The following PDSS2 variants were observed in gnomAD, a reference collection of about 807,000 sequenced individuals.
PDSS2 encodes decaprenyl diphosphate synthase subunit 2.
Under a neutral mutation model 44.5 loss-of-function variants are expected in PDSS2, and 31 were observed. That is an observed-to-expected ratio of 0.70 (90% CI 0.52 to 0.94). The LOEUF (loss-of-function observed/expected upper bound fraction) is 0.94. PDSS2 is among the 40% of genes least tolerant of loss of function. PDSS2 has a pLI of 0.00. For missense variants in PDSS2, 452 were observed against 482.2 expected, an observed-to-expected ratio of 0.94 and a Z score of 0.59; for synonymous variants, 157 against 180.3, an observed-to-expected ratio of 0.87 and a Z score of 1.03.
At chr6:107,168,076 G>A (rs1771419853) in intron 7 of PDSS2, among the ~76,000 whole-genome samples, 1 of 152,132 alleles carries the variant, frequency 6.6e-6, no homozygotes, top group Non-Finnish European at 1.5e-5. Flanking sequence ...TAACAGTGGG[G>A]TGGTAAAGTC....
At chr6:107,390,001 G>T (rs1301471743) in intron 1 of PDSS2, among the ~76,000 whole-genome samples, 1 of 151,932 alleles carries the variant, frequency 6.6e-6, no homozygotes, top group East Asian at 1.9e-4. Flanking sequence ...GGAACAATTT[G>T]AGCAACAAAA....
chr6:107,231,378 T>G (rs1774044807), intron 4 of PDSS2, among the ~76,000 whole-genome samples: 1 of 152,174 alleles, frequency 6.6e-6, no homozygotes, highest in Non-Finnish European at 1.5e-5. Context: ...AGACATCAGT[T>G]GTAAATGACT....
intron 1 of PDSS2, among the ~76,000 whole-genome samples, chr6:107,410,611 C>T (rs1391444999): frequency 6.6e-6 from 1 of 151,942 alleles, no homozygotes; most frequent in Non-Finnish European, 1.5e-5. Context: ...CTTCGGCCTC[C>T]CAAATAGCTG....
At chr6:107,378,037 A>G (rs948507120) in intron 1 of PDSS2, among the ~76,000 whole-genome samples, 1 of 151,076 alleles carries the variant, frequency 6.6e-6, no homozygotes, top group African/African-American at 2.4e-5. Context: ...AAAGTATAAT[A>G]ATAATAAAAA....
chr6:107,402,999 C>T (rs1347547707), intron 1 of PDSS2, among the ~76,000 whole-genome samples: 1 of 152,114 alleles, frequency 6.6e-6, no homozygotes, highest in Non-Finnish European at 1.5e-5. Flanking sequence ...AACAGTCCCC[C>T]AAAGACTTAG....
chr6:107,363,981 C>T (rs898399771), intron 1 of PDSS2, among the ~76,000 whole-genome samples: 7 of 150,754 alleles, frequency 4.6e-5, no homozygotes, highest in East Asian at 1.9e-4. Context: ...TACAGAGTGC[C>T]GATTGGTGTA....
intron 1 of PDSS2, among the ~76,000 whole-genome samples, chr6:107,342,367 T>C (rs912632189): frequency 6.6e-6 from 1 of 152,148 alleles, no homozygotes. Context: ...CCTCTTCCTC[T>C]TGAGTTCCTT....
chr6:107,326,959 CA>C (rs1218170235), intron 2 of PDSS2, among the ~76,000 whole-genome samples: 1 of 152,080 alleles, frequency 6.6e-6, no homozygotes, highest in African/African-American at 2.4e-5. Flanking sequence ...GAAGAAATGC[CA>C]ACGATGACTT....
rs1215248130 is a variant in PDSS2 at position 107,193,725 on chromosome 6, A to T, written c.1041+97T>A. 6.2e-6 allele frequency: 5 copies of T among 807,010 alleles called. No homozygotes were observed. In the Admixed American group the frequency reaches 6.9e-5, roughly 11 times the overall value. 50.0% of individuals were successfully genotyped at this position (807,010 alleles called of 1,614,324 possible). A position where few individuals can be genotyped will look rare whatever the true frequency, so the allele number is the denominator to read the frequency against. On this transcript the variant is annotated intron_variant, in intron 7 of 7. Transcript: ENST00000369037. ...TAACAGGAAATGTCCTTCAGCTCTC[A>T]ATGTGATCATTCTCTTTTGACCTTT...
chr6:107,196,303 T>C (rs1772561431), intron 6 of PDSS2, among the ~76,000 whole-genome samples: 1 of 152,246 alleles, frequency 6.6e-6, no homozygotes, highest in African/African-American at 2.4e-5. Context: ...ACTTATGACC[T>C]AGCTACTCAC....
chr6:107,438,124 G>C (rs1358416460), intron 1 of PDSS2, among the ~76,000 whole-genome samples: 2 of 152,164 alleles, frequency 1.3e-5, no homozygotes, highest in African/African-American at 2.4e-5. Flanking sequence ...CTCAAACTTT[G>C]TTGTGATAGG....
rs9320209 is a variant in PDSS2, at chr6:107,344,182, A to C, written c.297-9850T>G. On this transcript the variant is annotated intron_variant, in intron 1 of 7. Coordinates refer to ENST00000369037, the MANE Select transcript of PDSS2 (RefSeq NM_020381.4). ...GACCAAAGTTTAAATGGTATCAATG[A>C]AATGATGTTAAAAACATAAATATAA... is the stretch of plus-strand genomic sequence containing the variant. Among the ~76,000 whole-genome samples, 1,257 of 152,354 alleles carry C rather than the reference A, an allele frequency of 8.3e-3. 21 individuals are homozygous for C. The highest frequency in any genetic ancestry group is 0.027 in the African/African-American group (1,112 of 41,580).
intron 3 of PDSS2, among the ~76,000 whole-genome samples, chr6:107,255,179 T>A (rs2114850423): frequency 6.6e-6 from 1 of 150,406 alleles, no homozygotes; most frequent in South Asian, 2.1e-4. Context: ...TTTCATTATG[T>A]AATTTTCTAT....
chr6:107,423,307 A>T (rs1213822302), intron 1 of PDSS2, among the ~76,000 whole-genome samples: 1 of 152,222 alleles, frequency 6.6e-6, no homozygotes, highest in Non-Finnish European at 1.5e-5. Context: ...GAATAAAATG[A>T]CAAGAATGAT....
At chr6:107,280,069 CTT>C (rs945172358) in intron 2 of PDSS2, among the ~76,000 whole-genome samples, 1 of 151,822 alleles carries the variant, frequency 6.6e-6, no homozygotes, top group Non-Finnish European at 1.5e-5. Context: ...CATGCTAACT[CTT>C]TTTTTTGAGA....
At chr6:107,351,702 A>T (rs1323981561) in intron 1 of PDSS2, among the ~76,000 whole-genome samples, 1 of 152,182 alleles carries the variant, frequency 6.6e-6, no homozygotes, top group Non-Finnish European at 1.5e-5. Context: ...AAAAATAGTT[A>T]AAATTTCAGT....
chr6:107,438,435 G>A (rs144514929), intron 1 of PDSS2, among the ~76,000 whole-genome samples: 72 of 152,124 alleles, frequency 4.7e-4, no homozygotes, highest in African/African-American at 6.5e-4. Flanking sequence ...GGCTGGTCTC[G>A]AACTCTTGAT....
chr6:107,446,927 T>C (rs1395363879), intron 1 of PDSS2, among the ~76,000 whole-genome samples: 1 of 152,046 alleles, frequency 6.6e-6, no homozygotes, highest in African/African-American at 2.4e-5. Context: ...AATGCAGTCA[T>C]GATGCCCTTC....
intron 1 of PDSS2, among the ~76,000 whole-genome samples, chr6:107,402,056 A>C (rs2114593739): frequency 1.3e-5 from 2 of 152,280 alleles, no homozygotes; most frequent in Middle Eastern, 6.8e-3. Flanking sequence ...AGGTGGGCAG[A>C]CTTCCTGAGG....
Sources: allele counts gnomAD v4.1 joint callset (sites outside exome capture counted in the v4.1 genomes callset), GRCh38; gene constraint gnomAD v4.1.1; transcripts MANE v1.5; gene names NCBI Gene and HGNC (gene_info 2026-07-23, HGNC 2026-07-21).